Variants in DMD observed in about 807,000 individuals in gnomAD.
DMD encodes the protein mutant dystrophin.
A neutral mutation model predicts 330.1 loss-of-function variants in DMD; 63 were observed. The ratio of observed to expected loss-of-function variants is 0.19; its 90% CI spans 0.16 to 0.24. The LOEUF is 0.24. DMD is among the 10% of genes least tolerant of loss of function. The probability of loss-of-function intolerance (pLI) is 1.00; values close to 1 mark genes in which losing one functional copy is unlikely to be tolerated. For synonymous variants in DMD, 1,223 were observed against 959.8 expected (o/e 1.27, Z -5.07); for missense variants, 3,344 against 2,684.1 (o/e 1.25, Z -5.43).
At chrX:32,774,731 C>A (rs753330089) in intron 7 of DMD, among the ~76,000 whole-genome samples, 7 of 111,138 alleles carry the variant, frequency 6.3e-5, no homozygotes, top group Non-Finnish European at 3.8e-5. Flanking sequence ...GTGGGGATTA[C>A]AATTTGAGAC....
At chrX:32,889,543 T>C (rs1398200698) in intron 2 of DMD, among the ~76,000 whole-genome samples, 2 of 110,729 alleles carry the variant, frequency 1.8e-5, no homozygotes, top group African/African-American at 6.6e-5. Context: ...CAACTGAAGA[T>C]CCACAAAAGA....
At chrX:32,386,776 C>A (rs1019636794) in intron 32 of DMD, among the ~76,000 whole-genome samples, 7 of 109,822 alleles carry the variant, frequency 6.4e-5, no homozygotes, top group Admixed American at 3.9e-4. Flanking sequence ...AATGTCAATT[C>A]TGAATTTTAC....
At position 32,655,665 on chromosome X, in the gene DMD, C is replaced by A. The variant is rs1431737106; in HGVS notation, c.961-10513G>T. On this transcript the variant is annotated intron_variant, in intron 9 of 78. Coordinates refer to ENST00000357033, the MANE Select transcript of DMD (RefSeq NM_004006.3). ...AGATGTCTATGAGGTCCGCTTGTTGCAGAGCTGAGTTCAATTCTTGGATAT... is the reference window on the plus strand; with the variant it reads ...AGATGTCTATGAGGTCCGCTTGTTGAAGAGCTGAGTTCAATTCTTGGATAT... Among the ~76,000 whole-genome samples the A allele has an allele frequency of 3.6e-5, 4 of 111,764 alleles. No individual in the cohort carries two copies. In the East Asian group the frequency reaches 1.1e-3, roughly 32 times the overall value.
chrX:31,146,780 G>C (rs753448785), intron 75 of DMD, among the ~76,000 whole-genome samples: 1 of 112,262 alleles, frequency 8.9e-6, no homozygotes, highest in Non-Finnish European at 1.9e-5. Context: ...TAACAAGATA[G>C]AGAGAACATA....
At chrX:31,901,660 T>C (rs199942270) in intron 47 of DMD, among the ~76,000 whole-genome samples, 1 of 111,859 alleles carries the variant, frequency 8.9e-6, no homozygotes, top group African/African-American at 3.2e-5. Flanking sequence ...TTCTGTCTAT[T>C]CCTTTATTAT....
chrX:32,154,573 A>G (rs1302427229), intron 44 of DMD, among the ~76,000 whole-genome samples: 1 of 111,666 alleles, frequency 9.0e-6, no homozygotes, highest in Non-Finnish European at 1.9e-5. Context: ...TGTGACACAA[A>G]GCAATTTGAT....
chrX:33,158,989 T>C (rs185578299), intron 1 of DMD, among the ~76,000 whole-genome samples: 12 of 111,921 alleles, frequency 1.1e-4, no homozygotes, highest in African/African-American at 3.6e-4. Flanking sequence ...CCGAAGTAAG[T>C]GTCAAAGGTC....
intron 30 of DMD, among the ~76,000 whole-genome samples, chrX:32,399,035 A>T (rs761833528): frequency 3.7e-4 from 41 of 112,144 alleles, no homozygotes; most frequent in African/African-American, 1.3e-3. Flanking sequence ...GGATATCCAA[A>T]TGCAGAATAA....
intron 29 of DMD, among the ~76,000 whole-genome samples, chrX:32,435,854 A>G (rs2098259172): frequency 9.0e-6 from 1 of 111,433 alleles, no homozygotes; most frequent in Non-Finnish European, 1.9e-5. Context: ...CAATAAGCAA[A>G]TTGAGGATGG....
At chrX:31,589,354 G>A (rs1381351932) in intron 55 of DMD, among the ~76,000 whole-genome samples, 1 of 111,042 alleles carries the variant, frequency 9.0e-6, no homozygotes, top group Non-Finnish European at 1.9e-5. Flanking sequence ...CTATCATTCC[G>A]GGTTCTATCC....
chrX:31,270,015 G>C (rs776888940), intron 62 of DMD, among the ~76,000 whole-genome samples: 8 of 111,462 alleles, frequency 7.2e-5, no homozygotes, highest in Non-Finnish European at 1.5e-4. Flanking sequence ...GGTGATGTTT[G>C]GGTATTTATT....
At chrX:32,250,510 G>T (rs778818858) in intron 43 of DMD, among the ~76,000 whole-genome samples, 41 of 111,614 alleles carry the variant, frequency 3.7e-4, no homozygotes, top group Non-Finnish European at 6.0e-4. Flanking sequence ...TATCCATGCG[G>T]GTCAAAAGGA....
intron 41 of DMD, among the ~76,000 whole-genome samples, chrX:32,335,406 T>C (rs868412497): frequency 1.9e-5 from 2 of 104,865 alleles, no homozygotes; most frequent in Non-Finnish European, 3.9e-5. Context: ...ATATATAACA[T>C]ATATATATAA....
chrX:31,496,609 A>G (rs1486953637), intron 57 of DMD, among the ~76,000 whole-genome samples, 179 bp downstream of exon 57: 2 of 112,535 alleles, frequency 1.8e-5, no homozygotes, highest in African/African-American at 6.5e-5. Context: ...GGTATTATTA[A>G]CACAAATGTG....
chrX:31,655,011 C>T (rs1292016913), intron 54 of DMD, among the ~76,000 whole-genome samples: 1 of 111,706 alleles, frequency 9.0e-6, no homozygotes, highest in African/African-American at 3.2e-5. Context: ...GTAGAGACAA[C>T]ACTTTTTATT....
chrX:31,192,705 C>CA (rs1218137399), intron 67 of DMD, among the ~76,000 whole-genome samples: 2 of 111,632 alleles, frequency 1.8e-5, no homozygotes, highest in African/African-American at 6.5e-5. Flanking sequence ...AGAAAAGGCC[C>CA]AAAGAGGTTA....
At chrX:32,169,516 T>G (rs924411296) in intron 44 of DMD, among the ~76,000 whole-genome samples, 1 of 112,036 alleles carries the variant, frequency 8.9e-6, no homozygotes, top group East Asian at 2.8e-4. Flanking sequence ...CTGTCTTGAC[T>G]CTGAGAAGTG....
At chrX:31,206,031 C>T (rs1045717577) in intron 66 of DMD, among the ~76,000 whole-genome samples, 5 of 112,313 alleles carry the variant, frequency 4.5e-5, no homozygotes, top group African/African-American at 6.5e-5. Flanking sequence ...GAACCCAATG[C>T]GTAATCAAAA....
chrX:32,656,956 A>T (rs780299199), intron 9 of DMD, among the ~76,000 whole-genome samples: 185 of 111,308 alleles, frequency 1.7e-3, no homozygotes, highest in African/African-American at 3.5e-3. Flanking sequence ...TTCATATTTC[A>T]TATGTGTTTA....
Sources: allele counts gnomAD v4.1 joint callset (sites outside exome capture counted in the v4.1 genomes callset), GRCh38; gene constraint gnomAD v4.1.1; transcripts MANE v1.5; gene names NCBI Gene and HGNC (gene_info 2026-07-23, HGNC 2026-07-21).